The following ARHGAP31 variants were observed in gnomAD, a reference collection of about 807,000 sequenced individuals.
ARHGAP31 encodes the protein rho GTPase-activating protein 31.
Under a neutral mutation model 113.9 loss-of-function variants are expected in ARHGAP31, and 34 were observed. The observed-to-expected ratio is 0.30, with a 90% confidence interval of 0.23 to 0.40. ARHGAP31 has a LOEUF of 0.40. Among genes scored for constraint, ARHGAP31 ranks in the 10% least tolerant of loss-of-function variants. The probability of loss-of-function intolerance (pLI) is 1.00; values close to 1 mark genes in which losing one functional copy is unlikely to be tolerated. For missense variants in ARHGAP31, 1,548 were observed against 1,767.1 expected (o/e 0.88, Z 2.22); for synonymous variants, 650 against 684.8 (o/e 0.95, Z 0.79).
At chr3:119,401,011 A>C (rs1389965997) in intron 9 of ARHGAP31, among the ~76,000 whole-genome samples, 1 of 152,038 alleles carries the variant, frequency 6.6e-6, no homozygotes, top group African/African-American at 2.4e-5. Flanking sequence ...TCTCTACTAA[A>C]AATACAAAAA....
At chr3:119,300,954 C>G (rs1166614981) in intron 1 of ARHGAP31, among the ~76,000 whole-genome samples, 1 of 152,086 alleles carries the variant, frequency 6.6e-6, no homozygotes, top group African/African-American at 2.4e-5. Context: ...AGAACAGCAA[C>G]TTCGTGGGCT....
chr3:119,364,173 G>A (rs1329402185), intron 1 of ARHGAP31, among the ~76,000 whole-genome samples: 1 of 132,690 alleles, frequency 7.5e-6, no homozygotes, highest in Admixed American at 9.0e-5. Context: ...GGCCCTGTCG[G>A]TCCCTTTTAT....
chr3:119,343,145 A>G (rs949011035), intron 1 of ARHGAP31, among the ~76,000 whole-genome samples: 6 of 152,208 alleles, frequency 3.9e-5, no homozygotes, highest in Non-Finnish European at 2.9e-5. Flanking sequence ...AGAATGACAC[A>G]TTCATTTGTA....
At chr3:119,301,496 C>G (rs891601849) in intron 1 of ARHGAP31, among the ~76,000 whole-genome samples, 7 of 152,214 alleles carry the variant, frequency 4.6e-5, no homozygotes, top group Non-Finnish European at 1.0e-4. Flanking sequence ...GCATTTGCTT[C>G]ATCCTCCTCC....
intron 1 of ARHGAP31, among the ~76,000 whole-genome samples, chr3:119,324,561 T>TGCTTTTGTGGGTACC (rs2079824809): frequency 6.6e-6 from 1 of 152,242 alleles, no homozygotes; most frequent in South Asian, 2.1e-4. Context: ...ACCATTGCTG[T>TGCTTTTGTGGGTACC]ATTCCACATG....
intron 1 of ARHGAP31, among the ~76,000 whole-genome samples, chr3:119,358,955 C>T (rs12163543): frequency 0.032 from 4,836 of 151,836 alleles, 118 homozygotes; most frequent in East Asian, 0.11. Flanking sequence ...ATCACTTAGT[C>T]GTACACTTTA....
At chr3:119,387,566 CAT>C (rs1413263500) in intron 6 of ARHGAP31, among the ~76,000 whole-genome samples, 2 of 152,210 alleles carry the variant, frequency 1.3e-5, no homozygotes, top group Non-Finnish European at 2.9e-5. Flanking sequence ...TCTATTTTAA[CAT>C]ATGAATTTTG....
chr3:119,346,365 GGA>G (rs1180832346), intron 1 of ARHGAP31, among the ~76,000 whole-genome samples: 3 of 152,182 alleles, frequency 2.0e-5, no homozygotes, highest in Non-Finnish European at 4.4e-5. Flanking sequence ...TTATAGAAGG[GGA>G]GAGACAGCCT....
intron 1 of ARHGAP31, among the ~76,000 whole-genome samples, chr3:119,354,476 TTGTGTGTGTGTGTG>T (rs5852200): frequency 6.8e-6 from 1 of 147,842 alleles, no homozygotes; most frequent in Non-Finnish European, 1.5e-5. Flanking sequence ...TGTGTGTGGT[TTGTGTGTGTGTGTG>T]TGTGTGTGTG....
intron 1 of ARHGAP31, chr3:119,329,804 G>A (rs150646123): frequency 1.0e-6 from 1 of 985,462 alleles, no homozygotes; most frequent in Non-Finnish European, 1.2e-6. Flanking sequence ...TTCTGTGACT[G>A]AACCATGAGC....
intron 1 of ARHGAP31, chr3:119,314,479 C>T (rs188079789): frequency 2.0e-4 from 30 of 152,458 alleles, no homozygotes; most frequent in Non-Finnish European, 2.8e-4. Context: ...ATTTTATTGC[C>T]AGTGCCTAGC....
At position 119,312,572 on chromosome 3, in the gene ARHGAP31, C is replaced by G. The variant is rs141270679; in HGVS notation, c.100+17568C>G. ...TGACACAAGTACAAGCCGTCTTCTTCTCTTGTAAAATTACAAAAATAATAA... is the reference window on the plus strand; with the variant it reads ...TGACACAAGTACAAGCCGTCTTCTTGTCTTGTAAAATTACAAAAATAATAA... On this transcript the variant is annotated intron_variant, in intron 1 of 11. Transcript: ENST00000264245. Among the ~76,000 whole-genome samples, 632 of 152,300 alleles carry G rather than the reference C, an allele frequency of 4.1e-3. 2 individuals are homozygous for G. Among genetic ancestry groups the G allele is most frequent in the Non-Finnish European group, 7.1e-3 (483 of 68,026 alleles).
At chr3:119,351,612 GA>G (rs201317835) in intron 1 of ARHGAP31, among the ~76,000 whole-genome samples, 1 of 150,200 alleles carries the variant, frequency 6.7e-6, no homozygotes, top group Non-Finnish European at 1.5e-5. Flanking sequence ...AGGTATGCAA[GA>G]AAAAAAAAGA....
chr3:119,351,914 T>C (rs1235483212), intron 1 of ARHGAP31, among the ~76,000 whole-genome samples: 1 of 152,226 alleles, frequency 6.6e-6, no homozygotes, highest in Non-Finnish European at 1.5e-5. Context: ...ATGTGTGCTT[T>C]ATGCAGTTAA....
intron 1 of ARHGAP31, among the ~76,000 whole-genome samples, chr3:119,306,218 T>G (rs1056698211): frequency 6.6e-6 from 1 of 152,204 alleles, no homozygotes; most frequent in African/African-American, 2.4e-5. Flanking sequence ...ACTCTTCAAA[T>G]CCAGTTTTGG....
chr3:119,415,587 A>G lies in ARHGAP31; in HGVS notation c.3658A>G (p.Ser1220Gly). 2 of 1,614,102 alleles carry G rather than the reference A, an allele frequency of 1.2e-6. No homozygotes were observed. The highest frequency in any genetic ancestry group is 1.7e-6 in the Non-Finnish European group (2 of 1,180,016). Residue 1220 changes from serine to glycine, a missense_variant, in exon 12 of 12, where the codon AGC becomes GGC. Physicochemically the swap from Ser to Gly is moderately conservative, Grantham distance 56. Coordinates refer to ENST00000264245, the MANE Select transcript of ARHGAP31 (RefSeq NM_020754.4). ...GATCCCACAGCCCCTGCCCTCTCAG[A>G]GCTCAGGGGAGAATGGGGTTCAGCC... is the stretch of plus-strand genomic sequence containing the variant. ...TQIPQPLPSQ[S>G]SGENGVQPLE...
At chr3:119,405,146 G>T (rs1353494793) in intron 10 of ARHGAP31, among the ~76,000 whole-genome samples, 2 of 152,134 alleles carry the variant, frequency 1.3e-5, no homozygotes, top group Non-Finnish European at 2.9e-5. Context: ...TAGTGCATCT[G>T]AAATATGATT....
At chr3:119,337,493 A>T (rs920674388) in intron 1 of ARHGAP31, among the ~76,000 whole-genome samples, 1 of 152,224 alleles carries the variant, frequency 6.6e-6, no homozygotes, top group Non-Finnish European at 1.5e-5. Context: ...CAAAGCTTCC[A>T]CAATACTGAC....
chr3:119,368,935 T>A (rs6438525), intron 3 of ARHGAP31, among the ~76,000 whole-genome samples: 1 of 151,748 alleles, frequency 6.6e-6, no homozygotes, highest in African/African-American at 2.4e-5. Flanking sequence ...GTAGGTTGGG[T>A]AAAGAGGTGG....
Sources: gnomAD v4.1 joint callset for allele counts (sites outside exome capture counted in the v4.1 genomes callset) on GRCh38, gnomAD v4.1.1 for gene constraint, MANE v1.5 for transcripts, NCBI Gene and HGNC (gene_info 2026-07-23, HGNC 2026-07-21) for gene names.